GNG7: variants seen among roughly 807,000 people sequenced by gnomAD.
GNG7 encodes the protein G protein subunit gamma 7.
GNG7 carries 1 observed loss-of-function variant against 4.0 expected under a neutral mutation model. The ratio of observed to expected loss-of-function variants is 0.25; its 90% CI spans 0.09 to 1.18. The LOEUF is 1.18. Among genes scored for constraint, GNG7 ranks in the 50% most tolerant of loss-of-function variants. The pLI is 0.50. For missense variants in GNG7, 86 were observed against 91.9 expected, an observed-to-expected ratio of 0.94 and a Z score of 0.26; for synonymous variants, 34 against 36.9, an observed-to-expected ratio of 0.92 and a Z score of 0.29.
At chr19:2,674,029 C>T (rs1983532939) in intron 1 of GNG7, among the ~76,000 whole-genome samples, 1 of 152,110 alleles carries the variant, frequency 6.6e-6, no homozygotes, top group Non-Finnish European at 1.5e-5. Context: ...TTTGGGAGGC[C>T]AAGGTGGGCG....
At chr19:2,521,478 T>C (rs1371047530) in intron 3 of GNG7, among the ~76,000 whole-genome samples, 1 of 151,950 alleles carries the variant, frequency 6.6e-6, no homozygotes. Context: ...CCAGGGACAT[T>C]GCTCAGCTCC....
At chr19:2,522,630 T>C (rs1026634643) in intron 3 of GNG7, among the ~76,000 whole-genome samples, 13 of 150,780 alleles carry the variant, frequency 8.6e-5, no homozygotes, top group Non-Finnish European at 1.9e-4. Flanking sequence ...CGGGTGCCTG[T>C]AGTCCCAGCT....
At chr19:2,657,400 A>ATATG (rs1983025541) in intron 1 of GNG7, among the ~76,000 whole-genome samples, 3 of 91,706 alleles carry the variant, frequency 3.3e-5, no homozygotes, top group Non-Finnish European at 6.6e-5. Context: ...ATATATATAT[A>ATATG]CACATAATAA....
At chr19:2,659,805 G>A (rs185502258) in intron 1 of GNG7, among the ~76,000 whole-genome samples, 1,997 of 151,080 alleles carry the variant, frequency 0.013, 23 homozygotes, top group Non-Finnish European at 0.019. Flanking sequence ...GAAGAGGAAA[G>A]GAGAGACACC....
intron 2 of GNG7, among the ~76,000 whole-genome samples, chr19:2,579,563 T>C (rs1980442607): frequency 6.6e-6 from 1 of 152,112 alleles, no homozygotes; most frequent in Non-Finnish European, 1.5e-5. Flanking sequence ...GTGTTTATGG[T>C]AACAAGAGGA....
In GNG7 at chr19:2,618,881, G is replaced by T. The variant is rs10417469; in HGVS notation, c.-78+27343C>A. Among the ~76,000 whole-genome samples, 15,392 of 151,878 alleles carry T rather than the reference G, an allele frequency of 0.1. 829 individuals are homozygous for T. Among genetic ancestry groups the T allele is most frequent in the South Asian group, 0.2 (944 of 4,802 alleles). ...CCCTCACGACCTTTCCTGCCCCATT[G>T]TGACCCCATCCAGGAGCCCATGTGG... On this transcript the variant is annotated intron_variant, in intron 2 of 4. Coordinates refer to ENST00000382159, the MANE Select transcript of GNG7 (RefSeq NM_052847.3). The surrounding 1 kb of genome is among the most constrained non-coding windows in gnomAD (Gnocchi z 5.1).
intron 1 of GNG7, among the ~76,000 whole-genome samples, chr19:2,673,048 A>G (rs540851309): frequency 1.3e-5 from 2 of 149,622 alleles, no homozygotes; most frequent in South Asian, 4.3e-4. Flanking sequence ...CAAGGTCAGG[A>G]GATCGAGACC....
chr19:2,577,483 C>A (rs1337343710), intron 2 of GNG7, among the ~76,000 whole-genome samples: 1 of 152,122 alleles, frequency 6.6e-6, no homozygotes, highest in African/African-American at 2.4e-5. Flanking sequence ...TCGCAATGCA[C>A]CGCTCACTTC....
At chr19:2,542,882 T>C (rs75591464) in intron 3 of GNG7, among the ~76,000 whole-genome samples, 1 of 37,136 alleles carries the variant, frequency 2.7e-5, no homozygotes, top group Non-Finnish European at 6.0e-5. Context: ...GCTGTTTTCC[T>C]TTTTTTTTTT....
In GNG7 at chr19:2,653,657, C is replaced by T. The variant is rs950467436; in HGVS notation, c.-134-7377G>A. 2.6e-5 allele frequency among the ~76,000 whole-genome samples: 4 copies of T among 152,192 alleles called. No homozygotes were observed. The highest frequency in any genetic ancestry group is 2.1e-4 in the South Asian group (1 of 4,830). On this transcript the variant is annotated intron_variant, in intron 1 of 4. Transcript: ENST00000382159. This position sits in a 1 kb window ranked among gnomAD's most constrained non-coding sequence, Gnocchi z 4.8. ...CTGGGCACTGCGGGGAGCTGAGCAG[C>T]GTCCCTGGCCTCCACCCACCCCATG... is the stretch of plus-strand genomic sequence containing the variant.
chr19:2,608,212 G>A (rs1294751861), intron 2 of GNG7, among the ~76,000 whole-genome samples: 1 of 152,072 alleles, frequency 6.6e-6, no homozygotes, highest in Non-Finnish European at 1.5e-5. Context: ...GTGGCGAAGC[G>A]TGGGTGGAGG....
At chr19:2,616,816 G>A (rs1981736769) in intron 2 of GNG7, among the ~76,000 whole-genome samples, 1 of 151,958 alleles carries the variant, frequency 6.6e-6, no homozygotes, top group South Asian at 2.1e-4. Flanking sequence ...TCTTGGGCAA[G>A]GCTGGTGACC....
chr19:2,614,423 C>G lies in GNG7; in HGVS notation c.-78+31801G>C, dbSNP rs903749138. ...CATTCTCAGCCCCCCAAAAAGACACCCCATCCCTATCAGCTGTCACTTCCC... is the reference window on the plus strand; with the variant it reads ...CATTCTCAGCCCCCCAAAAAGACACGCCATCCCTATCAGCTGTCACTTCCC... On this transcript the variant is annotated intron_variant, in intron 2 of 4. Coordinates refer to ENST00000382159, the MANE Select transcript of GNG7 (RefSeq NM_052847.3). The surrounding 1 kb of genome is among the most constrained non-coding windows in gnomAD (Gnocchi z 6.0). Among the ~76,000 whole-genome samples, 1 of 152,136 alleles carries G rather than the reference C, an allele frequency of 6.6e-6. No homozygotes were observed. Among genetic ancestry groups the G allele is most frequent in the African/African-American group, 2.4e-5 (1 of 41,408 alleles).
intron 4 of GNG7, among the ~76,000 whole-genome samples, chr19:2,520,336 C>T (rs575680043): frequency 6.6e-5 from 10 of 152,350 alleles, no homozygotes; most frequent in South Asian, 2.1e-4. Flanking sequence ...GACGACAAAG[C>T]GCTCTGTCAC....
intron 1 of GNG7, among the ~76,000 whole-genome samples, chr19:2,657,351 AAAAAAAAAAAATATATATATATATAT>A (rs1263614957): frequency 1.4e-4 from 3 of 21,860 alleles, no homozygotes; most frequent in African/African-American, 1.9e-4. Flanking sequence ...AAAAAAAAAA[AAAAAAAAAAAATATATATATATATAT>A]ATATATATAT....
At chr19:2,571,450 T>A (rs77448235) in intron 2 of GNG7, among the ~76,000 whole-genome samples, 1 of 152,150 alleles carries the variant, frequency 6.6e-6, no homozygotes, top group Admixed American at 6.6e-5. Context: ...ACCATCTCAA[T>A]CTGCCTGCAG....
intron 2 of GNG7, among the ~76,000 whole-genome samples, chr19:2,556,520 A>G (rs1979549674): frequency 6.6e-6 from 1 of 152,064 alleles, no homozygotes; most frequent in South Asian, 2.1e-4. Flanking sequence ...CCACCGACAC[A>G]AAGAAGAGCC....
At chr19:2,695,825 G>A (rs373792222) in intron 1 of GNG7, among the ~76,000 whole-genome samples, 2 of 152,146 alleles carry the variant, frequency 1.3e-5, no homozygotes, top group East Asian at 3.9e-4. Flanking sequence ...GGGATGATGA[G>A]GCTCTCGGCT....
At chr19:2,525,488 ACCC>A (rs35965236) in intron 3 of GNG7, among the ~76,000 whole-genome samples, 2 of 151,804 alleles carry the variant, frequency 1.3e-5, no homozygotes, top group African/African-American at 4.8e-5. Flanking sequence ...GGATGAGGGT[ACCC>A]CCCCACTCCA....
Sources: gnomAD v4.1 joint callset for allele counts (sites outside exome capture counted in the v4.1 genomes callset) on GRCh38, gnomAD v4.1.1 for gene constraint, Gnocchi (gnomAD v3.1) non-coding constraint, MANE v1.5 for transcripts, NCBI Gene and HGNC (gene_info 2026-07-23, HGNC 2026-07-21) for gene names.